Variants in PRKCQ observed in about 807,000 individuals in gnomAD.
PRKCQ encodes the protein protein kinase C theta, also known as protein kinase C theta type.
PRKCQ carries 41 observed loss-of-function variants against 91.2 expected under a neutral mutation model. That is an observed-to-expected ratio of 0.45 (90% CI 0.35 to 0.58). The LOEUF (loss-of-function observed/expected upper bound fraction) is 0.58, where lower values mean the gene tolerates loss of function less well. Among genes scored for constraint, PRKCQ ranks in the 20% least tolerant of loss-of-function variants. The pLI, the probability that PRKCQ is intolerant of heterozygous loss-of-function variation, is 0.00. For synonymous variants in PRKCQ, 307 were observed against 316.9 expected (o/e 0.97, Z 0.33); for missense variants, 673 against 896.5 (o/e 0.75, Z 3.18).
the PRKCQ span, among the ~76,000 whole-genome samples, chr10:6,405,852 C>A: frequency 6.6e-6 from 1 of 152,220 alleles, no homozygotes; most frequent in Admixed American, 6.5e-5. Context: ...CCATGGGGAG[C>A]AATGACAGCT....
At chr10:6,474,251 C>A (rs1042597601) in intron 12 of PRKCQ, among the ~76,000 whole-genome samples, 11 of 152,198 alleles carry the variant, frequency 7.2e-5, no homozygotes, top group Admixed American at 4.6e-4. Flanking sequence ...TTGGCATCAC[C>A]CTGGGAGGCC....
chr10:6,418,878 ATTAT>A, the PRKCQ span, among the ~76,000 whole-genome samples: 4 of 145,392 alleles, frequency 2.8e-5, no homozygotes, highest in South Asian at 2.4e-4. Context: ...CTGTCTCCAT[ATTAT>A]TTGTTTATCC....
In PRKCQ at chr10:6,427,874, C is replaced by A; in HGVS notation, c.*333G>T. On this transcript the variant is annotated 3_prime_UTR_variant, in exon 18 of 18. Coordinates refer to ENST00000263125, the MANE Select transcript of PRKCQ (RefSeq NM_006257.5). ...CATTTCATTGATCAGCAGTTGGCGC[C>A]CAGGTGAAGAGCCATAATTTATTGC... 3.8e-6 allele frequency: 1 copy of A among 266,154 alleles called. No individual in the cohort carries two copies. Among genetic ancestry groups the A allele is most frequent in the Non-Finnish European group, 7.3e-6 (1 of 137,134 alleles). The allele number at this position is 266,154 out of a possible 1,614,324, so 16.5% of individuals were successfully genotyped here. A position where few individuals can be genotyped will look rare whatever the true frequency, so the allele number is the denominator to read the frequency against.
chr10:6,519,052 T>C (rs1838894777), intron 1 of PRKCQ, among the ~76,000 whole-genome samples: 1 of 152,208 alleles, frequency 6.6e-6, no homozygotes, highest in African/African-American at 2.4e-5. Context: ...TGTGTGGATG[T>C]AAAAATATGC....
intron 12 of PRKCQ, among the ~76,000 whole-genome samples, chr10:6,467,385 C>CAG (rs1564324292): frequency 1.3e-4 from 5 of 39,498 alleles, no homozygotes; most frequent in African/African-American, 2.4e-4. Context: ...CAGAGAGAGA[C>CAG]AGACAGAGAG....
intron 16 of PRKCQ, among the ~76,000 whole-genome samples, chr10:6,435,820 G>T (rs561167379): frequency 4.4e-4 from 67 of 152,282 alleles, no homozygotes; most frequent in Non-Finnish European, 2.1e-4. Flanking sequence ...GCTTCATTTA[G>T]AACTTCTTTT....
chr10:6,579,448 GCCCGTGGA>G (rs1841367454), intron 1 of PRKCQ, among the ~76,000 whole-genome samples: 1 of 152,098 alleles, frequency 6.6e-6, no homozygotes, highest in African/African-American at 2.4e-5. Flanking sequence ...AATCCAGCCA[GCCCGTGGA>G]CCTCTCTTCA....
intron 1 of PRKCQ, among the ~76,000 whole-genome samples, chr10:6,533,938 C>A (rs1393609784): frequency 6.6e-6 from 1 of 152,122 alleles, no homozygotes; most frequent in Non-Finnish European, 1.5e-5. Context: ...AATAATTATG[C>A]CCTCTTGGAA....
chr10:6,564,355 G>A lies in PRKCQ; in HGVS notation c.-10+15856C>T, dbSNP rs113426850. Among the ~76,000 whole-genome samples the A allele has an allele frequency of 8.4e-3, 1,284 of 152,250 alleles. 14 individuals carry two copies. The highest frequency in any genetic ancestry group is 0.02 in the Middle Eastern group (6 of 294). ...GGCTGCAATACTATTGCTCGATGGCGTTTTCAAAGGCAGCTGCTGCAGCCT... is the reference window on the plus strand; with the variant it reads ...GGCTGCAATACTATTGCTCGATGGCATTTTCAAAGGCAGCTGCTGCAGCCT... On this transcript the variant is annotated intron_variant, in intron 1 of 17. Coordinates refer to ENST00000263125, the MANE Select transcript of PRKCQ (RefSeq NM_006257.5).
chr10:6,439,451 C>T (rs1237165519), intron 16 of PRKCQ, among the ~76,000 whole-genome samples: 1 of 152,118 alleles, frequency 6.6e-6, no homozygotes, highest in Admixed American at 6.5e-5. Context: ...TGGATTTGAA[C>T]TGCACCAGTC....
At position 6,483,597 on chromosome 10, in the gene PRKCQ, G is replaced by A; in HGVS notation, c.1022C>T (p.Pro341Leu). The change falls in exon 11 of 18, where the codon CCT becomes CTT. Residue 341 changes from proline to leucine, a missense_variant. Pro to Leu is a moderately conservative substitution (Grantham distance 98). Coordinates refer to ENST00000263125, the MANE Select transcript of PRKCQ (RefSeq NM_006257.5). ...PCLPTPGKREPQGISWESPLD... is the reference protein window; with the variant it reads ...PCLPTPGKRELQGISWESPLD... Reference sequence around the variant, plus strand: ...CGGAGACTCCCAGGAAATGCCCTGAGGCTCTGAAAATGCAAGCTGGTGGTT... The same window carrying A: ...CGGAGACTCCCAGGAAATGCCCTGAAGCTCTGAAAATGCAAGCTGGTGGTT... 2 of 1,613,548 alleles carry A rather than the reference G, an allele frequency of 1.2e-6. No individual in the cohort carries two copies. Among genetic ancestry groups the A allele is most frequent in the Non-Finnish European group, 1.7e-6 (2 of 1,179,878 alleles).
intron 2 of PRKCQ, among the ~76,000 whole-genome samples, chr10:6,512,719 C>A (rs74889540): frequency 0.011 from 1,616 of 152,262 alleles, 28 homozygotes; most frequent in African/African-American, 0.037. Context: ...CTAAACAGAG[C>A]AGACATTTAG....
the PRKCQ span, among the ~76,000 whole-genome samples, chr10:6,410,722 C>T: frequency 3.9e-5 from 6 of 152,174 alleles, no homozygotes; most frequent in Non-Finnish European, 7.3e-5. Flanking sequence ...GTGGTTCACA[C>T]CTGTATTCCC....
intron 12 of PRKCQ, among the ~76,000 whole-genome samples, chr10:6,472,928 G>C (rs1414069912): frequency 6.6e-6 from 1 of 152,142 alleles, no homozygotes; most frequent in Non-Finnish European, 1.5e-5. Context: ...GGCCAGGCTG[G>C]TCTCAAACTC....
chr10:6,477,685 T>C (rs1836345874), intron 12 of PRKCQ, among the ~76,000 whole-genome samples: 1 of 152,188 alleles, frequency 6.6e-6, no homozygotes, highest in Non-Finnish European at 1.5e-5. Flanking sequence ...CTGGCCAACA[T>C]GGTGAAACCC....
At chr10:6,527,797 A>T (rs1839251332) in intron 1 of PRKCQ, among the ~76,000 whole-genome samples, 1 of 152,144 alleles carries the variant, frequency 6.6e-6, no homozygotes, top group African/African-American at 2.4e-5. Flanking sequence ...TCTGGCCCCT[A>T]AATCCTTCAG....
chr10:6,454,835 G>A (rs1834922761), intron 15 of PRKCQ, among the ~76,000 whole-genome samples: 2 of 152,074 alleles, frequency 1.3e-5, no homozygotes, highest in South Asian at 4.1e-4. Context: ...AAGAGAAGAG[G>A]ACCAAGCACT....
At chr10:6,515,415 C>G in intron 1 of PRKCQ, 1 of 985,388 alleles carries the variant, frequency 1.0e-6, no homozygotes, top group Middle Eastern at 5.2e-4. Context: ...TAGTTCCATT[C>G]AACCTAATGG....
chr10:6,407,480 T>C, the PRKCQ span, among the ~76,000 whole-genome samples: 1 of 149,848 alleles, frequency 6.7e-6, no homozygotes, highest in African/African-American at 2.4e-5. This position sits in a 1 kb window ranked among gnomAD's most constrained non-coding sequence, Gnocchi z 4.0. Flanking sequence ...AGTGTGTGTG[T>C]GTGTGTGTGT....
Sources: allele counts gnomAD v4.1 joint callset (sites outside exome capture counted in the v4.1 genomes callset), GRCh38; gene constraint gnomAD v4.1.1; non-coding constraint Gnocchi (gnomAD v3.1); transcripts MANE v1.5; gene names NCBI Gene and HGNC (gene_info 2026-07-23, HGNC 2026-07-21).